Variants in TTC28 observed in about 807,000 individuals in gnomAD.
The protein encoded by TTC28 is tetratricopeptide repeat domain 28.
Under a neutral mutation model 198.0 loss-of-function variants are expected in TTC28, and 61 were observed. The observed-to-expected ratio is 0.31, with a 90% confidence interval of 0.25 to 0.38. TTC28 has a LOEUF of 0.38. TTC28 is among the 10% of genes least tolerant of loss of function. The pLI is 1.00. For synonymous variants in TTC28, 1,171 were observed against 1,297.8 expected (o/e 0.90, Z 2.10); for missense variants, 2,678 against 3,164.0 (o/e 0.85, Z 3.69).
chr22:28,382,293 A>G (rs2046508600), intron 2 of TTC28, among the ~76,000 whole-genome samples: 1 of 152,222 alleles, frequency 6.6e-6, no homozygotes. Flanking sequence ...ATCATAATAA[A>G]AATTATGACA....
At chr22:28,677,843 C>G (rs1281270422) in intron 1 of TTC28, among the ~76,000 whole-genome samples, 1 of 151,658 alleles carries the variant, frequency 6.6e-6, no homozygotes, top group Non-Finnish European at 1.5e-5. Context: ...GAGGCTGAGG[C>G]AGGGGAATCG....
At chr22:28,583,056 C>T (rs1399527975) in intron 2 of TTC28, among the ~76,000 whole-genome samples, 1 of 152,104 alleles carries the variant, frequency 6.6e-6, no homozygotes, top group Non-Finnish European at 1.5e-5. Context: ...TACATGACGA[C>T]ACAAATGAGA....
intron 2 of TTC28, among the ~76,000 whole-genome samples, chr22:28,584,112 T>C (rs1476981469): frequency 6.6e-6 from 1 of 151,838 alleles, no homozygotes; most frequent in Non-Finnish European, 1.5e-5. Flanking sequence ...CTCAGGTAGC[T>C]GGAACTACAG....
intron 6 of TTC28, among the ~76,000 whole-genome samples, chr22:28,153,131 C>T (rs974816525): frequency 6.6e-6 from 1 of 151,792 alleles, no homozygotes; most frequent in Non-Finnish European, 1.5e-5. Flanking sequence ...TTTTAATGTT[C>T]AAATATGATT....
At chr22:28,457,857 A>G (rs2047886955) in intron 2 of TTC28, among the ~76,000 whole-genome samples, 1 of 152,182 alleles carries the variant, frequency 6.6e-6, no homozygotes, top group South Asian at 2.1e-4. Flanking sequence ...TCTAATTAAC[A>G]TCGTATTGTC....
At chr22:28,390,278 T>C (rs902756578) in intron 2 of TTC28, among the ~76,000 whole-genome samples, 1 of 152,102 alleles carries the variant, frequency 6.6e-6, no homozygotes, top group African/African-American at 2.4e-5. Context: ...TGGTCAATTT[T>C]GGAACAGGTG....
At chr22:28,391,722 T>G (rs1014205829) in intron 2 of TTC28, among the ~76,000 whole-genome samples, 2 of 152,194 alleles carry the variant, frequency 1.3e-5, no homozygotes, top group African/African-American at 4.8e-5. Context: ...TCTGTATTGG[T>G]TATTCTAGTT....
At chr22:28,410,374 C>A (rs1297045896) in intron 2 of TTC28, among the ~76,000 whole-genome samples, 1 of 152,192 alleles carries the variant, frequency 6.6e-6, no homozygotes, top group Non-Finnish European at 1.5e-5. Context: ...TTTAAAATCA[C>A]CTCTCTCATC....
At chr22:28,352,087 A>C (rs972849182) in intron 2 of TTC28, among the ~76,000 whole-genome samples, 1 of 152,194 alleles carries the variant, frequency 6.6e-6, no homozygotes, top group African/African-American at 2.4e-5. Context: ...AAGAAGAAAA[A>C]TAAGGCAGAA....
chr22:28,194,812 A>T (rs1179629439), intron 5 of TTC28, among the ~76,000 whole-genome samples: 6 of 111,920 alleles, frequency 5.4e-5, no homozygotes, highest in Non-Finnish European at 1.1e-4. Flanking sequence ...CCAATCAAAA[A>T]ATCTCCAGGA....
At chr22:28,270,521 A>T (rs1931995420) in intron 5 of TTC28, among the ~76,000 whole-genome samples, 1 of 151,746 alleles carries the variant, frequency 6.6e-6, no homozygotes, top group South Asian at 2.1e-4. Flanking sequence ...GCAGATTACA[A>T]TCTGATATTA....
At chr22:28,075,927 C>T (rs1268085993) in intron 12 of TTC28, among the ~76,000 whole-genome samples, 1 of 152,206 alleles carries the variant, frequency 6.6e-6, no homozygotes, top group Non-Finnish European at 1.5e-5. Flanking sequence ...CCGTGAGCTA[C>T]TGTAAGGCCA....
intron 2 of TTC28, among the ~76,000 whole-genome samples, chr22:28,517,921 T>C (rs1200516893): frequency 6.6e-6 from 1 of 152,140 alleles, no homozygotes; most frequent in African/African-American, 2.4e-5. Flanking sequence ...TTTTTTAACA[T>C]TTTTAAAATT....
chr22:28,594,475 T>G (rs1289912623), intron 2 of TTC28, among the ~76,000 whole-genome samples: 1 of 149,564 alleles, frequency 6.7e-6, no homozygotes, highest in African/African-American at 2.6e-5. Flanking sequence ...AAGCCACTGT[T>G]AGGATTTTAA....
chr22:28,269,709 A>T (rs1931925609), intron 5 of TTC28, among the ~76,000 whole-genome samples: 1 of 152,230 alleles, frequency 6.6e-6, no homozygotes. Flanking sequence ...TGGGATGAAG[A>T]AAGACACTTA....
chr22:28,480,385 C>T (rs977787636), intron 2 of TTC28, among the ~76,000 whole-genome samples: 2 of 152,160 alleles, frequency 1.3e-5, no homozygotes, highest in African/African-American at 2.4e-5. Context: ...AACTTCTTGG[C>T]GCTAATCTCA....
At position 27,997,168 on chromosome 22, in the gene TTC28, C is replaced by T. The variant is rs188458246; in HGVS notation, c.5120-909G>A. ...ACCTCTACTTTCTGCGTCTCCTAAG[C>T]GCAGGAGGAGAGGCAGGTGAGCAGC... On this transcript the variant is annotated intron_variant, in intron 16 of 22. Coordinates refer to ENST00000397906, the MANE Select transcript of TTC28 (RefSeq NM_001145418.2). 1.6e-3 allele frequency among the ~76,000 whole-genome samples: 245 copies of T among 152,312 alleles called. 1 individual carries two copies. Among genetic ancestry groups the T allele is most frequent in the Non-Finnish European group, 2.1e-3 (146 of 68,022 alleles).
intron 2 of TTC28, among the ~76,000 whole-genome samples, chr22:28,320,573 T>A (rs2045430350): frequency 6.6e-6 from 1 of 152,216 alleles, no homozygotes; most frequent in African/African-American, 2.4e-5. Context: ...TAAAATATGA[T>A]TTTCTCATAA....
At chr22:28,389,495 TACTG>T (rs2046677135) in intron 2 of TTC28, among the ~76,000 whole-genome samples, 1 of 147,830 alleles carries the variant, frequency 6.8e-6, no homozygotes, top group African/African-American at 2.5e-5. Context: ...GTTGGTAAGC[TACTG>T]ATTATTGCCA....
Sources: gnomAD v4.1 joint callset for allele counts (sites outside exome capture counted in the v4.1 genomes callset) on GRCh38, gnomAD v4.1.1 for gene constraint, MANE v1.5 for transcripts, NCBI Gene and HGNC (gene_info 2026-07-23, HGNC 2026-07-21) for gene names.